Variants in F8 observed in about 807,000 individuals in gnomAD.
F8 encodes antihemophilic factor.
In F8, 12 loss-of-function variants were observed where a neutral mutation model predicts 140.6. That is an observed-to-expected ratio of 0.09 (90% CI 0.05 to 0.14). F8 has a LOEUF of 0.14. F8 is among the 10% of genes least tolerant of loss of function. The pLI, the probability that F8 is intolerant of heterozygous loss-of-function variation, is 1.00. For missense variants in F8, 1,354 were observed against 1,720.7 expected, an observed-to-expected ratio of 0.79 and a Z score of 3.77; for synonymous variants, 585 against 614.6, an observed-to-expected ratio of 0.95 and a Z score of 0.71.
At chrX:154,993,295 G>A (rs2073599211) in intron 3 of F8, 147 bp from the exon 4 acceptor site, 2 of 517,229 alleles carry the variant, frequency 3.9e-6, no homozygotes, top group Non-Finnish European at 6.3e-6. Context: ...TTGAGACGGA[G>A]TCTCACTCTG....
At chrX:154,852,518 T>A (rs1372927463) in intron 25 of F8, among the ~76,000 whole-genome samples, 1 of 111,959 alleles carries the variant, frequency 8.9e-6, no homozygotes, top group Non-Finnish European at 1.9e-5. Flanking sequence ...TGACCATAGA[T>A]GTATAGGCTT....
At chrX:154,962,808 G>C (rs1557281680) in intron 9 of F8, among the ~76,000 whole-genome samples, 1 of 110,380 alleles carries the variant, frequency 9.1e-6, no homozygotes, top group East Asian at 2.9e-4. Context: ...TGAGGCTGCA[G>C]TAGTGAGCTG....
chrX:154,910,541 T>G (rs1015429561), intron 14 of F8, among the ~76,000 whole-genome samples: 5 of 111,788 alleles, frequency 4.5e-5, no homozygotes, highest in Non-Finnish European at 7.5e-5. Flanking sequence ...TGTGCACATG[T>G]ACCCTAGAAC....
intron 4 of F8, among the ~76,000 whole-genome samples, chrX:154,991,027 A>T (rs2073584929): frequency 8.9e-6 from 1 of 112,198 alleles, no homozygotes; most frequent in African/African-American, 3.2e-5. Context: ...GAGAGAAAGT[A>T]ATGTGCTTTT....
chrX:154,837,664 T>C lies in F8; in HGVS notation c.6989A>G (p.Gln2330Arg). 8.3e-7 allele frequency: 1 copy of C among 1,210,921 alleles called. No individual in the cohort carries two copies. Among genetic ancestry groups the C allele is most frequent in the Non-Finnish European group, 1.1e-6 (1 of 895,065 alleles). The change falls in exon 26 of 26, where the codon CAG becomes CGG. Residue 2330 changes from glutamine (Q) to arginine (R), a missense_variant. Physicochemically the swap from Gln to Arg is conservative, Grantham distance 43. Coordinates refer to ENST00000360256, the MANE Select transcript of F8 (RefSeq NM_000132.4). ...CAGGGCAATCTGGTGCACCCAACTC[T>C]GGGGGTGAATTCGAAGGTAGCGAGT... ...LLTRYLRIHPQSWVHQIALRM... is the reference protein window; with the variant it reads ...LLTRYLRIHPRSWVHQIALRM...
At chrX:154,952,216 A>T (rs965770556) in intron 12 of F8, among the ~76,000 whole-genome samples, 4 of 112,673 alleles carry the variant, frequency 3.6e-5, no homozygotes, top group Non-Finnish European at 5.6e-5. Flanking sequence ...ACTAGAATTA[A>T]ATACTAAGCA....
chrX:154,903,713 A>T (rs1405938612), intron 18 of F8, among the ~76,000 whole-genome samples, 193 bp downstream of exon 18: 1 of 111,694 alleles, frequency 9.0e-6, no homozygotes, highest in African/African-American at 3.3e-5. Context: ...CTTTTTAGCA[A>T]TTTTTCTATA....
At chrX:154,927,924 A>G (rs28370214) in intron 14 of F8, among the ~76,000 whole-genome samples, 5,965 of 111,719 alleles carry the variant, frequency 0.053, 169 homozygotes, top group Non-Finnish European at 0.086. Context: ...GTAACACTCT[A>G]CCGTATTACT....
chrX:155,001,095 A>C (rs1471329490), intron 1 of F8, among the ~76,000 whole-genome samples: 1 of 111,363 alleles, frequency 9.0e-6, no homozygotes, highest in East Asian at 2.8e-4. Context: ...GTGAAATAAC[A>C]AAAGTCTCAT....
At chrX:154,971,265 T>C (rs968366635) in intron 6 of F8, among the ~76,000 whole-genome samples, 5 of 112,187 alleles carry the variant, frequency 4.5e-5, no homozygotes, top group Non-Finnish European at 9.4e-5. Flanking sequence ...ATTCCCATTC[T>C]TTTGTATGCG....
At chrX:154,939,610 GAC>G (rs1313081269) in intron 13 of F8, among the ~76,000 whole-genome samples, 1 of 112,505 alleles carries the variant, frequency 8.9e-6, no homozygotes, top group East Asian at 2.8e-4. Flanking sequence ...ACAAACAAAA[GAC>G]AGCAATAACC....
intron 22 of F8, among the ~76,000 whole-genome samples, chrX:154,893,154 C>T (rs782052459): frequency 2.7e-5 from 3 of 111,970 alleles, no homozygotes; most frequent in South Asian, 3.7e-4. Flanking sequence ...CTGGAAGCCC[C>T]GCCTCGCTTC....
rs1365363415 is a variant in F8, at chrX:154,949,004, A to G, written c.1904-1097T>C. Among the ~76,000 whole-genome samples, 3 of 112,175 alleles carry G rather than the reference A, an allele frequency of 2.7e-5. No homozygotes were observed. The East Asian group carries it at 8.3e-4, about 31-fold the overall frequency. The stretch of plus-strand genomic sequence containing the variant: ...TAAGTTGAAACTTAATATATAATAA[A>G]GGCAGCATCTCCAACCAGTACAGGA... On this transcript the variant is annotated intron_variant, in intron 12 of 25. Transcript: ENST00000360256.
intron 22 of F8, among the ~76,000 whole-genome samples, chrX:154,866,545 C>T (rs1216168616): frequency 8.9e-6 from 1 of 111,792 alleles, no homozygotes; most frequent in African/African-American, 3.2e-5. Context: ...TTTCTGACCA[C>T]AATGGATTGA....
intron 1 of F8, among the ~76,000 whole-genome samples, chrX:155,011,059 A>C (rs1443807503): frequency 8.9e-5 from 10 of 112,518 alleles, no homozygotes; most frequent in African/African-American, 3.2e-4. Flanking sequence ...TAAATATTGG[A>C]TTTCATCAAA....
chrX:154,999,619 A>G lies in F8; in HGVS notation c.144-19T>C, dbSNP rs2073636512. On this transcript the variant is annotated intron_variant, in intron 1 of 25. Coordinates refer to ENST00000360256, the MANE Select transcript of F8 (RefSeq NM_000132.4). The stretch of plus-strand genomic sequence containing the variant: ...AGGAAATCTGCGTGAAGAAAGGAAA[A>G]AGTCGTTCATTTTGGTGGACACTTC... 3 of 1,195,417 alleles carry G rather than the reference A, an allele frequency of 2.5e-6. No individual in the cohort carries two copies. The Admixed American group carries it at 6.6e-5, about 26-fold the overall frequency.
intron 1 of F8, among the ~76,000 whole-genome samples, chrX:155,012,922 G>A (rs2073713714): frequency 9.1e-6 from 1 of 109,481 alleles, no homozygotes; most frequent in Non-Finnish European, 1.9e-5. Context: ...CGAGGTGGGC[G>A]GATCATGAGG....
intron 9 of F8, 146 bp downstream of exon 9, chrX:154,965,824 A>G: frequency 3.6e-6 from 2 of 555,006 alleles, no homozygotes; most frequent in Non-Finnish European, 5.8e-6. Flanking sequence ...TTAAATACAT[A>G]CAATCAGCTA....
chrX:154,956,826 A>G (rs1557281222), intron 11 of F8, 131 bp downstream of exon 11: 4 of 632,555 alleles, frequency 6.3e-6, no homozygotes, highest in African/African-American at 2.2e-5. Context: ...TTACTACGTG[A>G]AACTCAAATT....
Sources: gnomAD v4.1 joint callset for allele counts (sites outside exome capture counted in the v4.1 genomes callset) on GRCh38, gnomAD v4.1.1 for gene constraint, MANE v1.5 for transcripts, NCBI Gene and HGNC (gene_info 2026-07-23, HGNC 2026-07-21) for gene names.